The following MED13 variants were observed in gnomAD, a reference collection of about 807,000 sequenced individuals.
The protein encoded by MED13 is mediator of RNA polymerase II transcription subunit 13.
In MED13, 23 loss-of-function variants were observed where a neutral mutation model predicts 225.2. That is an observed-to-expected ratio of 0.10 (90% CI 0.07 to 0.14). MED13 has a LOEUF of 0.14. Among genes scored for constraint, MED13 ranks in the 10% least tolerant of loss-of-function variants. The pLI is 1.00. For missense variants in MED13, 2,197 were observed against 2,594.5 expected, an observed-to-expected ratio of 0.85 and a Z score of 3.33; for synonymous variants, 942 against 889.2, an observed-to-expected ratio of 1.06 and a Z score of -1.06.
intron 6 of MED13, 56 bp from the exon 7 acceptor site, chr17:62,030,069 CATT>C: frequency 7.3e-7 from 1 of 1,366,232 alleles, no homozygotes; most frequent in East Asian, 2.6e-5. Context: ...TTTAAAGTAA[CATT>C]ATTTGGGTTT....
intron 8 of MED13, among the ~76,000 whole-genome samples, chr17:62,013,522 A>G (rs1243893175): frequency 6.6e-6 from 1 of 151,192 alleles, no homozygotes; most frequent in Non-Finnish European, 1.5e-5. Context: ...GGAATAAAAG[A>G]AAATTTGCTT....
chr17:62,062,922 G>A (rs1466239217), intron 2 of MED13, 145 bp downstream of exon 2: 1 of 598,650 alleles, frequency 1.7e-6, no homozygotes, highest in East Asian at 2.8e-5. Flanking sequence ...AAATAATCAT[G>A]GTGAAATAAA....
intron 3 of MED13, among the ~76,000 whole-genome samples, chr17:62,046,188 T>A (rs994792169): frequency 6.6e-6 from 1 of 152,178 alleles, no homozygotes; most frequent in Non-Finnish European, 1.5e-5. Flanking sequence ...CCTATATCAT[T>A]CCACTGAATT....
At chr17:61,991,682 A>C (rs1348877704) in intron 11 of MED13, among the ~76,000 whole-genome samples, 3 of 150,784 alleles carry the variant, frequency 2.0e-5, no homozygotes, top group Non-Finnish European at 3.0e-5. Context: ...TAATTTTTCT[A>C]TTTTTTTAGT....
intron 23 of MED13, among the ~76,000 whole-genome samples, chr17:61,960,296 C>T (rs2079987902): frequency 6.6e-6 from 1 of 150,722 alleles, no homozygotes; most frequent in African/African-American, 2.4e-5. Flanking sequence ...GAGACAGAGT[C>T]TCATTCTTGT....
rs766909961 is a variant in MED13 at position 62,008,317 on chromosome 17, C to CAAAAAAAAAAAAAAAAAAAA, written c.1967+2213_1967+2232dup. On this transcript the variant is annotated intron_variant, in intron 9 of 29. Transcript: ENST00000397786. The stretch of plus-strand genomic sequence containing the variant: ...TGGGCCACAGAGCGAGGCTCTGTCT[C>CAAAAAAAAAAAAAAAAAAAA]AAAAAAAAAAAAAAAAAAAAAAAAA... Among the ~76,000 whole-genome samples, 10 of 33,206 alleles carry CAAAAAAAAAAAAAAAAAAAA rather than the reference C, an allele frequency of 3.0e-4. 1 individual carries two copies. The highest frequency in any genetic ancestry group is 5.4e-4 in the African/African-American group (5 of 9,324). 21.8% of individuals were successfully genotyped at this position (33,206 alleles called of 152,430 possible).
In MED13 at chr17:61,984,307, C is replaced by A; in HGVS notation, c.2752G>T (p.Ala918Ser). The A allele has an allele frequency of 1.2e-6, 2 of 1,607,226 alleles. No individual in the cohort carries two copies. Among genetic ancestry groups the A allele is most frequent in the Non-Finnish European group, 1.7e-6 (2 of 1,177,504 alleles). Reference protein sequence around the residue: ...CQILVGCSMFAPLKTLPSQYL... With the variant: ...CQILVGCSMFSPLKTLPSQYL... ...TGGCTTGGTAGAGTTTTTAGAGGTG[C>A]AAACATGGAACATCCCACTAGAATT... is the stretch of plus-strand genomic sequence containing the variant. Residue 918 changes from alanine to serine, a missense_variant, in exon 15 of 30, where the codon GCA becomes TCA. By Grantham distance (99) the Ala-to-Ser change is moderately conservative. This residue lies in a region of MED13 where 160 missense variants were observed against 184.8 expected (regional missense o/e 0.87). Transcript: ENST00000397786.
At chr17:61,987,170 A>AC (rs1410623562) in intron 11 of MED13, 42 bp from the exon 12 acceptor site, 6 of 1,491,500 alleles carry the variant, frequency 4.0e-6, no homozygotes, top group Non-Finnish European at 5.5e-6. Context: ...AACTGCTACT[A>AC]CTATGCCTGT....
intron 1 of MED13, 73 bp from the exon 2 acceptor site, chr17:62,063,374 C>G: frequency 1.1e-6 from 1 of 943,502 alleles, no homozygotes; most frequent in Non-Finnish European, 1.6e-6. Context: ...TATGATGTCT[C>G]TTATTTCATT....
chr17:61,966,714 T>C, intron 18 of MED13, 63 bp from the exon 19 acceptor site: 1 of 1,094,966 alleles, frequency 9.1e-7, no homozygotes, highest in Non-Finnish European at 1.2e-6. Context: ...ATACACATTA[T>C]AAAACCAACC....
intron 8 of MED13, among the ~76,000 whole-genome samples, chr17:62,017,954 G>A (rs60053512): frequency 0.16 from 24,393 of 152,126 alleles, 2,400 homozygotes; most frequent in East Asian, 0.5. Flanking sequence ...GAAGAACAAA[G>A]GACTGGTAGA....
At chr17:61,953,169 T>C (rs2079911604) in intron 26 of MED13, 56 bp from the exon 27 acceptor site, 1 of 1,533,302 alleles carries the variant, frequency 6.5e-7, no homozygotes, top group South Asian at 1.2e-5. Flanking sequence ...CCTATGGTCA[T>C]TCACAGGAAA....
chr17:62,062,600 C>CACCACA (rs914034052), intron 2 of MED13, among the ~76,000 whole-genome samples: 43 of 136,300 alleles, frequency 3.2e-4, no homozygotes, highest in East Asian at 1.1e-3. Flanking sequence ...CACACACACA[C>CACCACA]CACACACACA....
chr17:62,060,187 G>A (rs1236851226), intron 2 of MED13, among the ~76,000 whole-genome samples: 1 of 152,072 alleles, frequency 6.6e-6, no homozygotes, highest in Non-Finnish European at 1.5e-5. Context: ...CAGCTACTCG[G>A]GAGGCTGAGA....
intron 2 of MED13, among the ~76,000 whole-genome samples, chr17:62,056,791 T>G (rs1292648990): frequency 1.3e-5 from 2 of 152,166 alleles, no homozygotes; most frequent in East Asian, 3.8e-4. Flanking sequence ...CCTTCTCTTG[T>G]AGCTCTATGT....
intron 23 of MED13, among the ~76,000 whole-genome samples, chr17:61,960,174 C>G (rs2079986623): frequency 1.3e-5 from 2 of 152,206 alleles, no homozygotes; most frequent in African/African-American, 4.8e-5. Context: ...TGAGGCTCAC[C>G]TGTTGTGACC....
intron 9 of MED13, among the ~76,000 whole-genome samples, chr17:62,000,894 C>G (rs1019249153): frequency 6.6e-6 from 1 of 152,132 alleles, no homozygotes; most frequent in Non-Finnish European, 1.5e-5. Context: ...TCCTGAATAG[C>G]TGGGATTACA....
chr17:62,038,338 G>C (rs149809078), intron 3 of MED13, among the ~76,000 whole-genome samples: 105 of 151,840 alleles, frequency 6.9e-4, no homozygotes, highest in Non-Finnish European at 1.2e-3. Flanking sequence ...AGAGGTTGAG[G>C]GTGCAGTGAG....
chr17:62,012,336 T>G (rs1035079844), intron 8 of MED13, among the ~76,000 whole-genome samples: 11 of 150,460 alleles, frequency 7.3e-5, no homozygotes, highest in African/African-American at 2.4e-4. Context: ...ACTTTTTTTT[T>G]TTTTTTTTTT....
Sources: allele counts gnomAD v4.1 joint callset (sites outside exome capture counted in the v4.1 genomes callset), GRCh38; gene constraint gnomAD v4.1.1; regional missense constraint gnomAD v4.1.1; transcripts MANE v1.5; gene names NCBI Gene and HGNC (gene_info 2026-07-23, HGNC 2026-07-21).